The following CCNL2 variants were observed in gnomAD, a reference collection of about 807,000 sequenced individuals.
CCNL2 encodes the protein cyclin L2, also known as cyclin-L2.
A neutral mutation model predicts 59.1 loss-of-function variants in CCNL2; 28 were observed. The ratio of observed to expected loss-of-function variants is 0.47; its 90% CI spans 0.35 to 0.65. CCNL2 has a LOEUF of 0.65. CCNL2 is among the 30% of genes least tolerant of loss of function. The probability of loss-of-function intolerance (pLI) is 0.00; values close to 1 mark genes in which losing one functional copy is unlikely to be tolerated. For synonymous variants in CCNL2, 342 were observed against 288.6 expected (o/e 1.19, Z -1.88); for missense variants, 714 against 717.4 (o/e 1.00, Z 0.05).
In CCNL2 at chr1:1,387,228, G is replaced by T; in HGVS notation, c.*3C>A. 1 of 1,596,566 alleles carries T rather than the reference G, an allele frequency of 6.3e-7. No individual in the cohort carries two copies. The stretch of plus-strand genomic sequence containing the variant: ...TGCGGCCACCAGTCACTGCAACCCC[G>T]CCTCACCTCCGATGCCTGCTGTGCC... On this transcript the variant is annotated 3_prime_UTR_variant, in exon 11 of 11. Transcript: ENST00000400809.
chr1:1,388,715 G>T, intron 8 of CCNL2: 1 of 413,338 alleles, frequency 2.4e-6, no homozygotes, highest in Non-Finnish European at 4.7e-6. Flanking sequence ...AGCTTGCAGT[G>T]ATCCCAGATA....
chr1:1,387,680 T>G (rs933647096), intron 10 of CCNL2, 97 bp downstream of exon 10: 32 of 1,426,946 alleles, frequency 2.2e-5, no homozygotes, highest in Non-Finnish European at 3.0e-5. Flanking sequence ...AGCTCCAGGT[T>G]TAGAGAAACA....
In CCNL2 at chr1:1,392,953, ATAC is replaced by A; in HGVS notation, c.659+440_659+442del. 3 of 783,268 alleles carry A rather than the reference ATAC, an allele frequency of 3.8e-6. No homozygotes were observed. In the East Asian group the frequency reaches 8.0e-5, roughly 21 times the overall value. 48.5% of individuals were successfully genotyped at this position (783,268 alleles called of 1,614,324 possible). A position where few individuals can be genotyped will look rare whatever the true frequency, so the allele number is the denominator to read the frequency against. ...CACCAGAATCCCCAGAATCCCCCAA[ATAC>A]TACATTGCACTTTAGGGTTCCTTTC... On this transcript the variant is annotated intron_variant, in intron 5 of 10. Coordinates refer to ENST00000400809, the MANE Select transcript of CCNL2 (RefSeq NM_030937.6).
intron 3 of CCNL2, among the ~76,000 whole-genome samples, chr1:1,397,145 G>A (rs1329349931): frequency 6.6e-6 from 1 of 152,140 alleles, no homozygotes; most frequent in African/African-American, 2.4e-5. Context: ...GCCTCCCAAC[G>A]TGCTGGGATT....
At chr1:1,389,783 C>T (rs751882086) in intron 8 of CCNL2, among the ~76,000 whole-genome samples, 1 of 152,028 alleles carries the variant, frequency 6.6e-6, no homozygotes, top group Non-Finnish European at 1.5e-5. Flanking sequence ...CCTGGTGAAA[C>T]CCCGTCTCTA....
rs1557701015 is a variant in CCNL2 at position 1,385,778 on chromosome 1, G to C, written c.*1453C>G. 1 of 152,200 alleles carries C rather than the reference G, an allele frequency of 6.6e-6. No individual in the cohort carries two copies. The highest frequency in any genetic ancestry group is 6.5e-5 in the Admixed American group (1 of 15,276). 9.4% of individuals were successfully genotyped at this position (152,200 alleles called of 1,614,324 possible). ...TATTTAGTAAAAAAAGAAAGCAAAT[G>C]GAGAGCGGTCTCTTGGGTACAGGTG... On this transcript the variant is annotated 3_prime_UTR_variant, in exon 11 of 11. Transcript: ENST00000400809.
chr1:1,392,590 G>C (rs914953314), intron 5 of CCNL2: 15 of 1,425,700 alleles, frequency 1.1e-5, no homozygotes, highest in Admixed American at 3.0e-5. Context: ...TAATCAATAC[G>C]ATTACCAAAG....
chr1:1,391,632 A>C, intron 5 of CCNL2: 1 of 1,018,880 alleles, frequency 9.8e-7, no homozygotes, highest in Non-Finnish European at 1.4e-6. Flanking sequence ...GCAACATGAT[A>C]CTGAGAAGCA....
rs1359179046 is a variant in CCNL2, at chr1:1,398,608, G to A, written c.352C>T (p.His118Tyr). The A allele has an allele frequency of 1.9e-6, 3 of 1,613,720 alleles. No individual in the cohort carries two copies. The highest frequency in any genetic ancestry group is 2.2e-5 in the South Asian group (2 of 91,078). ...GGAGGAAGCCTTACCTCCATGGAGT[G>A]CTTCACGAAGGACTTGGTATAAAAG... ...RFFYTKSFVK[H>Y]SMEHVSMACV... The change falls in exon 2 of 11, where the codon CAC becomes TAC. Residue 118 changes from histidine to tyrosine, a missense_variant. Transcript: ENST00000400809.
rs1365613392 is a variant in CCNL2, at chr1:1,387,070, C to T, written c.*161G>A. The T allele has an allele frequency of 1.7e-6, 1 of 602,198 alleles. No individual in the cohort carries two copies. The highest frequency in any genetic ancestry group is 1.8e-5 in the African/African-American group (1 of 54,154). 37.3% of individuals were successfully genotyped at this position (602,198 alleles called of 1,614,324 possible). A position where few individuals can be genotyped will look rare whatever the true frequency, so the allele number is the denominator to read the frequency against. ...CCCTCAGTTCCATTTCCAAATCCAC[C>T]AAGGTCCAGTCGACAGACATTTCCA... On this transcript the variant is annotated 3_prime_UTR_variant, in exon 11 of 11. Transcript: ENST00000400809.
intron 5 of CCNL2, chr1:1,392,582 A>C: frequency 7.0e-7 from 1 of 1,425,386 alleles, no homozygotes; most frequent in Non-Finnish European, 9.1e-7. Context: ...ACCAACTCTA[A>C]TCAATACGAT....
At chr1:1,390,145 A>T in intron 8 of CCNL2, 85 bp downstream of exon 8, 10 of 1,115,212 alleles carry the variant, frequency 9.0e-6, no homozygotes, top group Non-Finnish European at 1.3e-5. Context: ...GTCTGGAAGG[A>T]GCACATACCC....
At chr1:1,392,842 G>T in intron 5 of CCNL2, 1 of 1,603,128 alleles carries the variant, frequency 6.2e-7, no homozygotes, top group Non-Finnish European at 8.5e-7. Context: ...AGTCAAAATA[G>T]GTTCTCTATT....
At position 1,391,401 on chromosome 1, in the gene CCNL2, C is replaced by A. The variant is rs913400154; in HGVS notation, c.660-536G>T. On this transcript the variant is annotated intron_variant, in intron 5 of 10. Coordinates refer to ENST00000400809, the MANE Select transcript of CCNL2 (RefSeq NM_030937.6). Reference sequence around the variant, plus strand: ...CCAGGGCGCTGGCGGCAGGCCCCTTCTCTGCTGACCGAGCTGCAGCTTCCT... The same window carrying A: ...CCAGGGCGCTGGCGGCAGGCCCCTTATCTGCTGACCGAGCTGCAGCTTCCT... The A allele has an allele frequency of 7.6e-6, 9 of 1,186,244 alleles. No homozygotes were observed. The African/African-American group carries it at 1.5e-4, about 19-fold the overall frequency. 73.5% of individuals were successfully genotyped at this position (1,186,244 alleles called of 1,614,324 possible).
Position 1,390,425 on chromosome 1 carries a change from AACGCAT to A in CCNL2, c.864+28_864+33del, listed in dbSNP as rs766436026. On this transcript the variant is annotated intron_variant, in intron 7 of 10. Coordinates refer to ENST00000400809, the MANE Select transcript of CCNL2 (RefSeq NM_030937.6). ...AACCAGGTGTTTCTGGCCAAACACA[AACGCAT>A]ACGTTACATGAAAAAATGCCGAAGA... 3 of 1,612,080 alleles carry A rather than the reference AACGCAT, an allele frequency of 1.9e-6. No homozygotes were observed. The Admixed American group carries it at 5.0e-5, about 27-fold the overall frequency.
intron 5 of CCNL2, chr1:1,391,915 TG>T (rs1324952021): frequency 4.4e-6 from 1 of 229,784 alleles, no homozygotes; most frequent in East Asian, 1.4e-4. Flanking sequence ...CGGGGAGCCT[TG>T]GAGTGGGGCT....
chr1:1,395,312 T>A, intron 4 of CCNL2, 82 bp downstream of exon 4: 1 of 1,529,148 alleles, frequency 6.5e-7, no homozygotes, highest in Non-Finnish European at 9.0e-7. Flanking sequence ...TTCAGAGCCT[T>A]CAACTGCACT....
Position 1,393,588 on chromosome 1 carries a change from T to C in CCNL2, c.595-128A>G. On this transcript the variant is annotated intron_variant, in intron 4 of 10. Coordinates refer to ENST00000400809, the MANE Select transcript of CCNL2 (RefSeq NM_030937.6). ...CAGGAGTGGCTCCTGGCCACACGTC[T>C]GGCGGACGGCTCAGCTGGAGGGAGC... The C allele has an allele frequency of 2.5e-6, 2 of 786,222 alleles. 1 individual carries two copies. The highest frequency in any genetic ancestry group is 4.2e-5 in the Admixed American group (2 of 47,732). 48.7% of individuals were successfully genotyped at this position (786,222 alleles called of 1,614,324 possible).
intron 3 of CCNL2, among the ~76,000 whole-genome samples, chr1:1,395,809 C>A (rs1644987613): frequency 6.6e-6 from 1 of 152,190 alleles, no homozygotes; most frequent in South Asian, 2.1e-4. Flanking sequence ...AATGCTAAAG[C>A]ACTTTATGTG....
Sources: gnomAD v4.1 joint callset for allele counts (sites outside exome capture counted in the v4.1 genomes callset) on GRCh38, gnomAD v4.1.1 for gene constraint, MANE v1.5 for transcripts, NCBI Gene and HGNC (gene_info 2026-07-23, HGNC 2026-07-21) for gene names.